The following ITPR2 variants were observed in gnomAD, a reference collection of about 807,000 sequenced individuals.
ITPR2 encodes the protein inositol 1,4,5-trisphosphate receptor type 2, also known as inositol 1,4,5-trisphosphate-gated calcium channel ITPR2.
ITPR2 carries 207 observed loss-of-function variants against 317.1 expected under a neutral mutation model. The ratio of observed to expected loss-of-function variants is 0.65; its 90% CI spans 0.58 to 0.73. The LOEUF (loss-of-function observed/expected upper bound fraction) is 0.73, where lower values mean the gene tolerates loss of function less well. ITPR2 is among the 30% of genes least tolerant of loss of function. The probability of loss-of-function intolerance (pLI) is 0.00; values close to 1 mark genes in which losing one functional copy is unlikely to be tolerated. For missense variants in ITPR2, 2,613 were observed against 3,284.0 expected, an observed-to-expected ratio of 0.80 and a Z score of 4.99; for synonymous variants, 1,156 against 1,149.1, an observed-to-expected ratio of 1.01 and a Z score of -0.12.
In ITPR2 at chr12:26,516,266, GGAAAGGAAGGGAAGGGAAGGGAAAGGAAA is replaced by G. The variant is rs1943498223; in HGVS notation, c.5074-21035_5074-21007del. 1.3e-4 allele frequency among the ~76,000 whole-genome samples: 6 copies of G among 46,930 alleles called. 1 individual carries two copies. The highest frequency in any genetic ancestry group is 4.1e-4 in the Admixed American group (2 of 4,836). 30.8% of individuals were successfully genotyped at this position (46,930 alleles called of 152,430 possible). The stretch of plus-strand genomic sequence containing the variant: ...GGAAAGGAAAGGAAAGGAAAGGAAA[GGAAAGGAAGGGAAGGGAAGGGAAAGGAAA>G]GGAAAGGAAAGGAAAGGAAAGGAAA... On this transcript the variant is annotated intron_variant, in intron 37 of 56. Coordinates refer to ENST00000381340, the MANE Select transcript of ITPR2 (RefSeq NM_002223.4).
chr12:26,680,915 G>A lies in ITPR2; in HGVS notation c.1409+959C>T, dbSNP rs192843044. On this transcript the variant is annotated intron_variant, in intron 13 of 56. Transcript: ENST00000381340. The stretch of plus-strand genomic sequence containing the variant: ...CCTGGGAGTGGAATTGGTGAGTCAC[G>A]GGGTGTTTGCTTCTTTAATTTTGCT... 8.5e-5 allele frequency among the ~76,000 whole-genome samples: 13 copies of A among 152,250 alleles called. No individual in the cohort carries two copies. The East Asian group carries it at 1.7e-3, about 20-fold the overall frequency.
intron 56 of ITPR2, 100 bp downstream of exon 56, chr12:26,340,067 C>T (rs1349116913): frequency 8.4e-7 from 1 of 1,187,158 alleles, no homozygotes; most frequent in East Asian, 2.6e-5. Context: ...TTGCAATTCT[C>T]TGTGGATAAT....
chr12:26,536,342 C>G (rs1392125698), intron 37 of ITPR2, among the ~76,000 whole-genome samples: 1 of 152,118 alleles, frequency 6.6e-6, no homozygotes, highest in Non-Finnish European at 1.5e-5. Context: ...GAGGAACAGC[C>G]CCTTCCCTCT....
At chr12:26,678,558 A>G (rs2136955058) in intron 13 of ITPR2, among the ~76,000 whole-genome samples, 1 of 152,336 alleles carries the variant, frequency 6.6e-6, no homozygotes, top group Non-Finnish European at 1.5e-5. Context: ...AAAACTGAGA[A>G]AATAATATAA....
intron 31 of ITPR2, among the ~76,000 whole-genome samples, chr12:26,596,198 C>A (rs1945839487): frequency 6.6e-6 from 1 of 152,230 alleles, no homozygotes; most frequent in African/African-American, 2.4e-5. Flanking sequence ...CCTCTCCAAT[C>A]AATGGTTATG....
chr12:26,689,442 GA>G (rs548513662), intron 10 of ITPR2, among the ~76,000 whole-genome samples: 1 of 150,012 alleles, frequency 6.7e-6, no homozygotes, highest in Admixed American at 6.7e-5. Flanking sequence ...AAAGAAAAAA[GA>G]AAAAAAGAGA....
chr12:26,526,906 A>G (rs1371001856), intron 37 of ITPR2, among the ~76,000 whole-genome samples: 1 of 152,220 alleles, frequency 6.6e-6, no homozygotes, highest in Non-Finnish European at 1.5e-5. Flanking sequence ...TGGTGATATT[A>G]TTTATTAATA....
intron 9 of ITPR2, among the ~76,000 whole-genome samples, chr12:26,703,513 G>A (rs1430608381): frequency 1.3e-5 from 2 of 152,170 alleles, no homozygotes; most frequent in Non-Finnish European, 2.9e-5. Flanking sequence ...GCTGTCCTGT[G>A]TATAGTAGGA....
Position 26,599,362 on chromosome 12 carries a change from A to C in ITPR2, c.3802-17T>G. On this transcript the variant is annotated splice_polypyrimidine_tract_variant and intron_variant, in intron 29 of 56. Coordinates refer to ENST00000381340, the MANE Select transcript of ITPR2 (RefSeq NM_002223.4). ...TTCAAGGAGCTAAACACAGAGGAAC[A>C]TGCCCTTGTAATTCTGACAAGATCA... 6.2e-7 allele frequency: 1 copy of C among 1,610,592 alleles called. No homozygotes were observed. Among genetic ancestry groups the C allele is most frequent in the Non-Finnish European group, 8.5e-7 (1 of 1,176,744 alleles).
At chr12:26,672,382 C>G (rs1282988159) in intron 13 of ITPR2, among the ~76,000 whole-genome samples, 5 of 152,174 alleles carry the variant, frequency 3.3e-5, no homozygotes, top group Non-Finnish European at 5.9e-5. Context: ...AACTAGAACT[C>G]AGGATTAAGA....
chr12:26,463,909 C>A (rs143155993), intron 45 of ITPR2, among the ~76,000 whole-genome samples: 274 of 152,270 alleles, frequency 1.8e-3, no homozygotes, highest in African/African-American at 5.8e-3. Context: ...TGCTCTCACA[C>A]ACGCACAGCA....
intron 45 of ITPR2, among the ~76,000 whole-genome samples, chr12:26,459,511 C>T (rs1941963872): frequency 6.6e-6 from 1 of 152,244 alleles, no homozygotes; most frequent in African/African-American, 2.4e-5. Flanking sequence ...TGGTGACCTG[C>T]TGGGGGCCAA....
At chr12:26,552,568 T>C (rs548767356) in intron 36 of ITPR2, among the ~76,000 whole-genome samples, 3 of 152,310 alleles carry the variant, frequency 2.0e-5, no homozygotes, top group African/African-American at 7.2e-5. Context: ...CTTTTAGACA[T>C]GTTGAGTCTA....
At chr12:26,732,895 G>A (rs937325695) in intron 2 of ITPR2, among the ~76,000 whole-genome samples, 7 of 152,110 alleles carry the variant, frequency 4.6e-5, no homozygotes, top group Admixed American at 2.0e-4. Context: ...TTTGATCATC[G>A]TGGCAAGATC....
chr12:26,412,626 C>A (rs1321574526), intron 51 of ITPR2, among the ~76,000 whole-genome samples: 3 of 151,968 alleles, frequency 2.0e-5, no homozygotes, highest in Non-Finnish European at 2.9e-5. Context: ...GTACAGATTT[C>A]TTTTTTAATG....
chr12:26,444,605 A>G (rs1172305453), intron 45 of ITPR2, among the ~76,000 whole-genome samples: 1 of 152,182 alleles, frequency 6.6e-6, no homozygotes, highest in African/African-American at 2.4e-5. Flanking sequence ...ACTGAAGCAC[A>G]GAGAGTGTAA....
intron 2 of ITPR2, among the ~76,000 whole-genome samples, chr12:26,747,281 C>T (rs906334354): frequency 3.3e-5 from 5 of 152,164 alleles, no homozygotes; most frequent in South Asian, 2.1e-4. Flanking sequence ...CTGAAAATGC[C>T]GGTAATCACT....
chr12:26,700,787 C>T lies in ITPR2; in HGVS notation c.952-5137G>A, dbSNP rs373478578. On this transcript the variant is annotated intron_variant, in intron 9 of 56. Transcript: ENST00000381340. ...TGGTCCAAGGAAGAGGTGGGTGGAC[C>T]CAAATGAAGATAATAATGCTGGAAT... is the stretch of plus-strand genomic sequence containing the variant. Among the ~76,000 whole-genome samples the T allele has an allele frequency of 6.6e-5, 10 of 151,924 alleles. No homozygotes were observed. The East Asian group carries it at 9.7e-4, about 15-fold the overall frequency.
At chr12:26,613,563 GACACAC>G (rs10574347) in intron 26 of ITPR2, among the ~76,000 whole-genome samples, 23 of 148,820 alleles carry the variant, frequency 1.5e-4, no homozygotes, top group African/African-American at 5.2e-4. Flanking sequence ...ATCATACACA[GACACAC>G]ACACACACAC....
Sources: allele counts gnomAD v4.1 joint callset (sites outside exome capture counted in the v4.1 genomes callset), GRCh38; gene constraint gnomAD v4.1.1; transcripts MANE v1.5; gene names NCBI Gene and HGNC (gene_info 2026-07-23, HGNC 2026-07-21).